Variants in IRAK3 observed in about 807,000 individuals in gnomAD.
IRAK3 encodes the protein interleukin 1 receptor associated kinase 3, also known as interleukin-1 receptor-associated kinase 3.
A neutral mutation model predicts 56.6 loss-of-function variants in IRAK3; 57 were observed. The observed-to-expected ratio is 1.01, with a 90% confidence interval of 0.81 to 1.26. The LOEUF (loss-of-function observed/expected upper bound fraction) is 1.26. IRAK3 is among the 50% of genes most tolerant of loss of function. The probability of loss-of-function intolerance (pLI) is 0.00; values close to 1 mark genes in which losing one functional copy is unlikely to be tolerated. For synonymous variants in IRAK3, 258 were observed against 255.7 expected (o/e 1.01, Z -0.09); for missense variants, 703 against 719.0 (o/e 0.98, Z 0.25).
intron 1 of IRAK3, among the ~76,000 whole-genome samples, chr12:66,201,738 C>T (rs1438504505): frequency 1.3e-5 from 2 of 152,108 alleles, no homozygotes; most frequent in Non-Finnish European, 2.9e-5. Flanking sequence ...TATTTAAAGC[C>T]TAGTATGCTA....
At chr12:66,197,952 A>G (rs2052470874) in intron 1 of IRAK3, 5 of 985,352 alleles carry the variant, frequency 5.1e-6, no homozygotes, top group Non-Finnish European at 6.0e-6. Flanking sequence ...TATGGAAAGT[A>G]TGGAATGAAA....
chr12:66,242,306 C>A (rs17767394), intron 8 of IRAK3, among the ~76,000 whole-genome samples: 4,049 of 152,256 alleles, frequency 0.027, 76 homozygotes, highest in African/African-American at 0.067. Flanking sequence ...ACTCTGAAAC[C>A]CTCAGGGCAT....
Position 66,228,198 on chromosome 12 carries a change from T to C in IRAK3, c.769-54T>C, listed in dbSNP as rs988471628. The stretch of plus-strand genomic sequence containing the variant: ...GGTGTATGTCTGCATAATGAATACA[T>C]AGGTAGTTTTTACTCAGAAAGTGCA... On this transcript the variant is annotated intron_variant, in intron 7 of 11. Transcript: ENST00000261233. 2.6e-6 allele frequency: 3 copies of C among 1,170,226 alleles called. No individual in the cohort carries two copies. The African/African-American group carries it at 4.5e-5, about 18-fold the overall frequency. The allele number at this position is 1,170,226 out of a possible 1,614,324, so 72.5% of individuals were successfully genotyped here.
Position 66,210,164 on chromosome 12 carries a change from C to T in IRAK3, c.399C>T (p.Thr133=), listed in dbSNP as rs749199184. 6.9e-5 allele frequency: 110 copies of T among 1,599,776 alleles called. No individual in the cohort carries two copies. The highest frequency in any genetic ancestry group is 1.3e-4 in the Admixed American group (8 of 59,924). The part of the protein sequence containing the change: ...NILFKETANV[T]VDNVLIPEHN... Reference sequence around the variant, plus strand: ...TCTCTTAGGAAACAGCCAATGTCACCGTGGATAATGTTCTTATTCCTGAAC... The same window carrying T: ...TCTCTTAGGAAACAGCCAATGTCACTGTGGATAATGTTCTTATTCCTGAAC... The change falls in exon 4 of 12, where the codon ACC becomes ACT. Residue 133 remains threonine, a synonymous_variant. Coordinates refer to ENST00000261233, the MANE Select transcript of IRAK3 (RefSeq NM_007199.3).
intron 8 of IRAK3, chr12:66,235,031 A>G (rs573129101): frequency 2.2e-5 from 36 of 1,613,242 alleles, no homozygotes; most frequent in African/African-American, 1.7e-4. Flanking sequence ...TGTGGAGACT[A>G]TTTTCCCATA....
At chr12:66,238,532 A>G (rs1306575405) in intron 8 of IRAK3, among the ~76,000 whole-genome samples, 1 of 152,176 alleles carries the variant, frequency 6.6e-6, no homozygotes, top group Non-Finnish European at 1.5e-5. Flanking sequence ...GGATTAATGG[A>G]AGCATGTTGG....
chr12:66,228,365 A>G lies in IRAK3; in HGVS notation c.882A>G (p.Ile294Met). The G allele has an allele frequency of 1.2e-6, 2 of 1,608,376 alleles. No homozygotes were observed. The highest frequency in any genetic ancestry group is 1.7e-6 in the Non-Finnish European group (2 of 1,174,736). Residue 294 changes from isoleucine to methionine, a missense_variant, in exon 8 of 12, where the codon ATA becomes ATG. Ile to Met is a conservative substitution (Grantham distance 10). Coordinates refer to ENST00000261233, the MANE Select transcript of IRAK3 (RefSeq NM_007199.3). The part of the protein sequence containing the change: ...VQPCSVICGS[I>M]SSANILLDDQ... ...CATGCTCGGTCATCTGTGGCAGTAT[A>G]TCAAGGTAAATTATTCCAGAGCTTT...
chr12:66,244,782 T>C (rs886410135), intron 9 of IRAK3, 98 bp downstream of exon 9: 1 of 1,169,372 alleles, frequency 8.6e-7, no homozygotes, highest in African/African-American at 1.5e-5. Flanking sequence ...GACTCATTGA[T>C]TTCCTGTTAG....
chr12:66,209,563 C>A, intron 3 of IRAK3, 43 bp downstream of exon 3: 1 of 1,182,556 alleles, frequency 8.5e-7, no homozygotes, highest in Non-Finnish European at 1.3e-6. Context: ...AACTTTGTTG[C>A]ATGTATAATT....
At chr12:66,200,125 A>G (rs1379515375) in intron 1 of IRAK3, among the ~76,000 whole-genome samples, 1 of 152,220 alleles carries the variant, frequency 6.6e-6, no homozygotes, top group Non-Finnish European at 1.5e-5. Context: ...CTTGTTTGAT[A>G]TGTAATTGCA....
At chr12:66,239,727 A>T (rs543286892) in intron 8 of IRAK3, among the ~76,000 whole-genome samples, 1 of 152,248 alleles carries the variant, frequency 6.6e-6, no homozygotes, top group South Asian at 2.1e-4. Flanking sequence ...TAAAATATCC[A>T]AATATGATTT....
intron 5 of IRAK3, among the ~76,000 whole-genome samples, chr12:66,213,071 A>G (rs1166789000): frequency 6.6e-6 from 1 of 152,160 alleles, no homozygotes; most frequent in African/African-American, 2.4e-5. Context: ...AAAAAGAAAA[A>G]AAAAGAAAAA....
At chr12:66,221,300 G>A (rs2052730808) in intron 6 of IRAK3, among the ~76,000 whole-genome samples, 1 of 152,286 alleles carries the variant, frequency 6.6e-6, no homozygotes, top group Admixed American at 6.5e-5. Context: ...CATGTCATCT[G>A]TAGACAGAGC....
chr12:66,246,799 T>C (rs2053037490), intron 11 of IRAK3, among the ~76,000 whole-genome samples: 1 of 152,212 alleles, frequency 6.6e-6, no homozygotes, highest in Non-Finnish European at 1.5e-5. Context: ...TGTGTGTGTA[T>C]ATGAAGGTAT....
chr12:66,217,110 G>C (rs1283548618), intron 5 of IRAK3, 61 bp from the exon 6 acceptor site: 1 of 1,244,830 alleles, frequency 8.0e-7, no homozygotes, highest in East Asian at 2.3e-5. Context: ...TAGACCCTGG[G>C]TTAAGAATCC....
intron 7 of IRAK3, among the ~76,000 whole-genome samples, chr12:66,227,152 C>T (rs753468031): frequency 6.6e-6 from 1 of 152,158 alleles, no homozygotes; most frequent in Non-Finnish European, 1.5e-5. Flanking sequence ...AGTGAGTTGG[C>T]ATCAACTACT....
intron 2 of IRAK3, among the ~76,000 whole-genome samples, chr12:66,205,993 T>G (rs1412979053): frequency 2.0e-5 from 3 of 152,220 alleles, no homozygotes; most frequent in African/African-American, 7.2e-5. Context: ...CATGTCCTTA[T>G]GTATCACATT....
intron 8 of IRAK3, among the ~76,000 whole-genome samples, chr12:66,235,420 C>A (rs1326170118): frequency 1.3e-5 from 2 of 151,148 alleles, no homozygotes; most frequent in East Asian, 3.9e-4. Context: ...TCCCTCTCGC[C>A]GCGCGGCGGC....
At chr12:66,227,534 G>C (rs959724528) in intron 7 of IRAK3, among the ~76,000 whole-genome samples, 6 of 152,000 alleles carry the variant, frequency 3.9e-5, no homozygotes, top group Admixed American at 3.3e-4. Flanking sequence ...AGCCGAGATT[G>C]CACCATTGCA....
Sources: gnomAD v4.1 joint callset for allele counts (sites outside exome capture counted in the v4.1 genomes callset) on GRCh38, gnomAD v4.1.1 for gene constraint, MANE v1.5 for transcripts, NCBI Gene and HGNC (gene_info 2026-07-23, HGNC 2026-07-21) for gene names.